The following IL34 variants were observed in gnomAD, a reference collection of about 807,000 sequenced individuals.
IL34 encodes the protein interleukin 34, also known as interleukin-34.
In IL34, 17 loss-of-function variants were observed where a neutral mutation model predicts 25.3. The observed-to-expected ratio is 0.67, with a 90% confidence interval of 0.46 to 1.01. The LOEUF is 1.01. Among genes scored for constraint, IL34 ranks in the 50% least tolerant of loss-of-function variants. The pLI is 0.00. For missense variants in IL34, 368 were observed against 312.9 expected (o/e 1.18, Z -1.33); for synonymous variants, 174 against 140.9 (o/e 1.23, Z -1.66).
intron 1 of IL34, among the ~76,000 whole-genome samples, chr16:70,609,183 T>C (rs960253024): frequency 6.6e-6 from 1 of 152,170 alleles, no homozygotes; most frequent in Non-Finnish European, 1.5e-5. Flanking sequence ...GTTCAAGCAA[T>C]TCTCCCTGCC....
intron 1 of IL34, among the ~76,000 whole-genome samples, chr16:70,597,119 G>T (rs2050834669): frequency 6.6e-6 from 1 of 152,052 alleles, no homozygotes; most frequent in Non-Finnish European, 1.5e-5. Flanking sequence ...CTCTGGGGTA[G>T]TTCCCAAGTG....
chr16:70,600,987 G>C (rs2050907641), intron 1 of IL34, among the ~76,000 whole-genome samples: 2 of 150,252 alleles, frequency 1.3e-5, no homozygotes, highest in South Asian at 4.2e-4. Context: ...GCTGGGAGAA[G>C]TAGGGGATGC....
chr16:70,648,052 C>T (rs2051984106), intron 1 of IL34, among the ~76,000 whole-genome samples: 1 of 152,142 alleles, frequency 6.6e-6, no homozygotes, highest in Non-Finnish European at 1.5e-5. Flanking sequence ...TGGTTTGGAC[C>T]CGGCTGGCTG....
At chr16:70,636,772 A>C (rs2051658787) in intron 1 of IL34, among the ~76,000 whole-genome samples, 1 of 48,946 alleles carries the variant, frequency 2.0e-5, no homozygotes, top group Non-Finnish European at 4.6e-5. Context: ...TGTCTCAAAC[A>C]AACAAAACAA....
chr16:70,627,157 G>A (rs1399026547), intron 1 of IL34, among the ~76,000 whole-genome samples: 2 of 152,050 alleles, frequency 1.3e-5, no homozygotes, highest in Non-Finnish European at 2.9e-5. Flanking sequence ...ATATGAAAGG[G>A]ATGTTCTTCC....
chr16:70,602,887 C>T lies in IL34; in HGVS notation c.-401+22838C>T, dbSNP rs528579575. 6.6e-5 allele frequency among the ~76,000 whole-genome samples: 10 copies of T among 152,070 alleles called. No individual in the cohort carries two copies. The East Asian group carries it at 1.2e-3, about 18-fold the overall frequency. On this transcript the variant is annotated intron_variant, in intron 1 of 6. Transcript: ENST00000429149. Reference sequence around the variant, plus strand: ...TCTTTTTCCCTGTAGTTATTCTATTCCAGCGGAGGTAGCCTTAGCTTTGTC... The same window carrying T: ...TCTTTTTCCCTGTAGTTATTCTATTTCAGCGGAGGTAGCCTTAGCTTTGTC...
intron 1 of IL34, among the ~76,000 whole-genome samples, chr16:70,635,050 A>G (rs1431710940): frequency 1.3e-5 from 2 of 152,198 alleles, no homozygotes; most frequent in East Asian, 3.8e-4. Context: ...TACAGCAGCA[A>G]TAGGCATTCT....
chr16:70,633,534 G>A (rs2051568201), intron 1 of IL34, among the ~76,000 whole-genome samples: 1 of 152,110 alleles, frequency 6.6e-6, no homozygotes, highest in Non-Finnish European at 1.5e-5. Context: ...CAAAGTGCTG[G>A]GATTCCAGGT....
upstream of IL34, among the ~76,000 whole-genome samples, chr16:70,642,294 C>CTTTT (rs531744889): frequency 1.7e-4 from 20 of 116,928 alleles, no homozygotes; most frequent in Non-Finnish European, 2.3e-4. Context: ...ACTCTGATGT[C>CTTTT]TTTTTTTTTT....
intron 1 of IL34, among the ~76,000 whole-genome samples, chr16:70,615,336 G>A (rs149387397): frequency 0.017 from 2,559 of 152,020 alleles, 75 homozygotes; most frequent in African/African-American, 0.057. Flanking sequence ...GTGAAACCCC[G>A]TCTCTACTAA....
chr16:70,592,718 G>A (rs748506833), intron 1 of IL34, among the ~76,000 whole-genome samples: 2 of 151,954 alleles, frequency 1.3e-5, no homozygotes, highest in African/African-American at 4.8e-5. Context: ...ACAGTGGCGC[G>A]ATCTGGGCTC....
chr16:70,599,762 C>T (rs2050888754), intron 1 of IL34, among the ~76,000 whole-genome samples: 1 of 151,098 alleles, frequency 6.6e-6, no homozygotes, highest in Non-Finnish European at 1.5e-5. Context: ...GAAGCTTCGA[C>T]CTCCTGGCCC....
At chr16:70,614,547 C>A (rs2051145745) in intron 1 of IL34, among the ~76,000 whole-genome samples, 1 of 152,222 alleles carries the variant, frequency 6.6e-6, no homozygotes, top group Non-Finnish European at 1.5e-5. Flanking sequence ...GGTGCAGCTG[C>A]TGAACACGGA....
chr16:70,584,358 G>A (rs1157927284), intron 1 of IL34, among the ~76,000 whole-genome samples: 1 of 152,218 alleles, frequency 6.6e-6, no homozygotes, highest in Non-Finnish European at 1.5e-5. Context: ...CTGGAAAACA[G>A]CCAGGCTTTC....
intron 1 of IL34, among the ~76,000 whole-genome samples, chr16:70,592,986 ATTCTTT>A (rs1335108600): frequency 6.6e-6 from 1 of 151,980 alleles, no homozygotes; most frequent in African/African-American, 2.4e-5. Context: ...ACACAGTTTT[ATTCTTT>A]TTCTTTTTTT....
rs1197596347 is a variant in IL34, at chr16:70,654,293, G to C, written c.29-245G>C. 3.4e-5 allele frequency: 13 copies of C among 379,472 alleles called. No individual in the cohort carries two copies. In the South Asian group the frequency reaches 6.6e-4, roughly 19 times the overall value. The allele number at this position is 379,472 out of a possible 1,614,324, so 23.5% of individuals were successfully genotyped here. On this transcript the variant is annotated intron_variant, in intron 1 of 5. Coordinates refer to ENST00000288098, the MANE Select transcript of IL34 (RefSeq NM_001393494.1). ...CGTCGACCCTGAGGCGTGCCTCCTGGGGGGCTCCAGTGGCCGGCATGGGGT... is the reference window on the plus strand; with the variant it reads ...CGTCGACCCTGAGGCGTGCCTCCTGCGGGGCTCCAGTGGCCGGCATGGGGT...
chr16:70,610,914 T>C (rs567108537), intron 1 of IL34, among the ~76,000 whole-genome samples: 1 of 152,332 alleles, frequency 6.6e-6, no homozygotes, highest in East Asian at 1.9e-4. Context: ...ATGAAAAAAC[T>C]GCTTGCGTTC....
intron 1 of IL34, among the ~76,000 whole-genome samples, chr16:70,590,078 A>G (rs866106575): frequency 1.3e-5 from 2 of 152,142 alleles, no homozygotes; most frequent in Non-Finnish European, 2.9e-5. Context: ...GGAGAGATGG[A>G]CAGACCCACC....
chr16:70,583,580 T>G (rs1246601803), intron 1 of IL34, among the ~76,000 whole-genome samples: 2 of 152,092 alleles, frequency 1.3e-5, no homozygotes, highest in Non-Finnish European at 2.9e-5. Context: ...AGGACAGGCC[T>G]GGGTCAGGGA....
Sources: allele counts gnomAD v4.1 joint callset (sites outside exome capture counted in the v4.1 genomes callset), GRCh38; gene constraint gnomAD v4.1.1; transcripts MANE v1.5; gene names NCBI Gene and HGNC (gene_info 2026-07-23, HGNC 2026-07-21).